CFAP44: variants seen among roughly 807,000 people sequenced by gnomAD.
CFAP44 encodes the protein cilia and flagella associated protein 44.
CFAP44 carries 134 observed loss-of-function variants against 216.2 expected under a neutral mutation model. The observed-to-expected ratio is 0.62, with a 90% CI of 0.54 to 0.72. CFAP44 has a LOEUF of 0.72. Among genes scored for constraint, CFAP44 ranks in the 30% least tolerant of loss-of-function variants. The pLI, the probability that CFAP44 is intolerant of heterozygous loss-of-function variation, is 0.00. For missense variants in CFAP44, 2,035 were observed against 2,182.1 expected, an observed-to-expected ratio of 0.93 and a Z score of 1.34; for synonymous variants, 700 against 727.6, an observed-to-expected ratio of 0.96 and a Z score of 0.61.
At position 113,343,217 on chromosome 3, in the gene CFAP44, G is replaced by A. The variant is rs137867766; in HGVS notation, c.3262+1299C>T. 1.1e-4 allele frequency among the ~76,000 whole-genome samples: 16 copies of A among 151,832 alleles called. No homozygotes were observed. In the East Asian group the frequency reaches 2.9e-3, roughly 28 times the overall value. ...GCTGGGACTACAGGAATGTGCCACCGTGCTTAGCTAATTATTGTATTTTTT... is the reference window on the plus strand; with the variant it reads ...GCTGGGACTACAGGAATGTGCCACCATGCTTAGCTAATTATTGTATTTTTT... On this transcript the variant is annotated intron_variant, in intron 23 of 34. Transcript: ENST00000393845.
In CFAP44 at chr3:113,379,357, A is replaced by C. The variant is rs772455469; in HGVS notation, c.2247T>G (p.Ser749=). The C allele has an allele frequency of 6.2e-7, 1 of 1,612,626 alleles. No individual in the cohort carries two copies. Among genetic ancestry groups the C allele is most frequent in the South Asian group, 1.1e-5 (1 of 90,922 alleles). The change falls in exon 17 of 35, where the codon TCT becomes TCG. Residue 749 remains serine, a synonymous_variant. Transcript: ENST00000393845. ...LPEIFIPSTP[S]PILCGFYSEP... Reference sequence around the variant, plus strand: ...CTGAGTAAAATCCACAGAGGATGGGAGAGGGGGTTGACGGAATAAATATTT... The same window carrying C: ...CTGAGTAAAATCCACAGAGGATGGGCGAGGGGGTTGACGGAATAAATATTT...
Position 113,291,559 on chromosome 3 carries a change from A to G in CFAP44, c.5563T>C (p.Ter1855ArgextTer12). 6.5e-7 allele frequency: 1 copy of G among 1,536,250 alleles called. No homozygotes were observed. Among genetic ancestry groups the G allele is most frequent in the Non-Finnish European group, 8.7e-7 (1 of 1,146,070 alleles). Residue 1855 changes from the stop codon to arginine (R), a stop_lost, in exon 35 of 35, where the codon TGA (stop) becomes CGA (arginine). Transcript: ENST00000393845. ...ATGGGTTTGAGAAAATAGCAAACTC[A>G]AAGGTCTGCGGGCTGTATCTCTTTC... ...REKEIQPADL[*>R]
intron 22 of CFAP44, among the ~76,000 whole-genome samples, chr3:113,356,503 G>T (rs181780427): frequency 6.6e-6 from 1 of 152,206 alleles, no homozygotes; most frequent in Non-Finnish European, 1.5e-5. Flanking sequence ...AGACAGATAG[G>T]CCAATGAGAT....
chr3:113,353,004 C>T (rs143199235), intron 22 of CFAP44, among the ~76,000 whole-genome samples: 10 of 152,102 alleles, frequency 6.6e-5, no homozygotes, highest in African/African-American at 2.4e-4. Flanking sequence ...AGATCAGGGA[C>T]GGAAAGCAGG....
At chr3:113,403,758 C>A in intron 9 of CFAP44, 94 bp downstream of exon 9, 1 of 1,387,894 alleles carries the variant, frequency 7.2e-7, no homozygotes. Context: ...TACTGATCTC[C>A]TTCACAAAAT....
intron 5 of CFAP44, among the ~76,000 whole-genome samples, chr3:113,418,059 T>TTTATTTATTTATTTAG (rs1934697530): frequency 6.9e-6 from 1 of 145,564 alleles, no homozygotes; most frequent in Admixed American, 6.7e-5. Context: ...TGAGACACAA[T>TTTATTTATTTATTTAG]TTATTTATTT....
intron 18 of CFAP44, among the ~76,000 whole-genome samples, chr3:113,370,012 C>T (rs1189770484): frequency 2.6e-5 from 4 of 152,148 alleles, no homozygotes. Context: ...CACATACACC[C>T]TCCCAAGACT....
chr3:113,424,486 TA>T (rs1428099572), intron 4 of CFAP44, among the ~76,000 whole-genome samples: 1 of 152,050 alleles, frequency 6.6e-6, no homozygotes, highest in Non-Finnish European at 1.5e-5. Flanking sequence ...AGAATCAATA[TA>T]ATATACTAAT....
At chr3:113,381,624 C>T (rs1933513017) in intron 15 of CFAP44, among the ~76,000 whole-genome samples, 1 of 152,194 alleles carries the variant, frequency 6.6e-6, no homozygotes, top group South Asian at 2.1e-4. Context: ...TCAAATTAAT[C>T]TCTCCAGCCC....
At chr3:113,333,946 T>C (rs1950261002) in intron 24 of CFAP44, among the ~76,000 whole-genome samples, 2 of 151,914 alleles carry the variant, frequency 1.3e-5, no homozygotes, top group Non-Finnish European at 2.9e-5. Flanking sequence ...GACTAAAAAG[T>C]CAATTAAACT....
chr3:113,427,689 A>G (rs1481789483), intron 2 of CFAP44: 5 of 186,570 alleles, frequency 2.7e-5, no homozygotes, highest in Admixed American at 1.9e-4. Flanking sequence ...AAAGACAAAC[A>G]AGCCTTATTG....
Position 113,379,294 on chromosome 3 carries a change from A to G in CFAP44, c.2298+12T>C, listed in dbSNP as rs1378925925. The G allele has an allele frequency of 3.3e-6, 5 of 1,529,202 alleles. No individual in the cohort carries two copies. Among genetic ancestry groups the G allele is most frequent in the African/African-American group, 1.4e-5 (1 of 72,598 alleles). The allele number at this position is 1,529,202 out of a possible 1,614,324, so 94.7% of individuals were successfully genotyped here. On this transcript the variant is annotated intron_variant, in intron 17 of 34. Transcript: ENST00000393845. The stretch of plus-strand genomic sequence containing the variant: ...ATATGATTGAGGTAAAAATTATTAC[A>G]TTGTTACTTACCAAAGAAACCCAGA...
intron 4 of CFAP44, among the ~76,000 whole-genome samples, chr3:113,423,914 G>A (rs960751901): frequency 2.0e-5 from 3 of 152,156 alleles, no homozygotes; most frequent in Non-Finnish European, 4.4e-5. Context: ...AGAAATAGCC[G>A]AATTGGTTAC....
chr3:113,388,454 G>A (rs1485416295), intron 15 of CFAP44, among the ~76,000 whole-genome samples: 7 of 150,908 alleles, frequency 4.6e-5, no homozygotes, highest in Middle Eastern at 3.2e-3. Flanking sequence ...TCACTAAAAC[G>A]TAGATAAGAA....
chr3:113,374,363 TTTTATTTA>T (rs148186633), intron 17 of CFAP44, among the ~76,000 whole-genome samples: 4,952 of 146,730 alleles, frequency 0.034, 195 homozygotes, highest in African/African-American at 0.092. Flanking sequence ...TGTCAATTTC[TTTTATTTA>T]TTTATTTATT....
At chr3:113,302,487 C>A (rs112399490) in intron 32 of CFAP44, among the ~76,000 whole-genome samples, 4,888 of 122,486 alleles carry the variant, frequency 0.04, 267 homozygotes, top group African/African-American at 0.14. Context: ...AAAAGATAGC[C>A]AGGCACTGTG....
In CFAP44 at chr3:113,294,896, G is replaced by T. The variant is rs927944221; in HGVS notation, c.5239-75C>A. On this transcript the variant is annotated intron_variant, in intron 33 of 34. Transcript: ENST00000393845. ...GAAAGAAAAATGAGTGTCCAGATTT[G>T]GTCAAAATCATCAGGCAAATGGAGC... 1.5e-5 allele frequency: 21 copies of T among 1,426,832 alleles called. No homozygotes were observed. In the Admixed American group the frequency reaches 5.7e-4, roughly 39 times the overall value. 88.4% of individuals were successfully genotyped at this position (1,426,832 alleles called of 1,614,324 possible).
intron 1 of CFAP44, 166 bp from the exon 2 acceptor site, chr3:113,433,835 A>C: frequency 1.7e-6 from 1 of 577,564 alleles, no homozygotes; most frequent in Non-Finnish European, 3.1e-6. Flanking sequence ...CTACCACCAG[A>C]GACCTCTGAC....
intron 3 of CFAP44, 107 bp downstream of exon 3, chr3:113,427,080 T>G: frequency 8.2e-7 from 1 of 1,214,208 alleles, no homozygotes; most frequent in South Asian, 1.3e-5. Context: ...CCCACACATA[T>G]GTACATCCTG....
Sources: gnomAD v4.1 joint callset for allele counts (sites outside exome capture counted in the v4.1 genomes callset) on GRCh38, gnomAD v4.1.1 for gene constraint, MANE v1.5 for transcripts, NCBI Gene and HGNC (gene_info 2026-07-23, HGNC 2026-07-21) for gene names.